The following SIRT4 variants were observed in gnomAD, a reference collection of about 807,000 sequenced individuals.
SIRT4 encodes the protein NAD-dependent protein lipoamidase sirtuin-4, mitochondrial.
A neutral mutation model predicts 26.1 loss-of-function variants in SIRT4; 23 were observed. The observed-to-expected ratio is 0.88, with a 90% confidence interval of 0.63 to 1.25. The LOEUF (loss-of-function observed/expected upper bound fraction) is 1.25, where lower values mean the gene tolerates loss of function less well. Ranked by LOEUF, SIRT4 falls within the 50% of genes most tolerant of loss-of-function variation. The probability of loss-of-function intolerance (pLI) is 0.00; values close to 1 mark genes in which losing one functional copy is unlikely to be tolerated. For synonymous variants in SIRT4, 155 were observed against 158.4 expected (o/e 0.98, Z 0.16); for missense variants, 361 against 405.4 (o/e 0.89, Z 0.94).
chr12:120,310,522 G>C (rs954299003), intron 2 of SIRT4, among the ~76,000 whole-genome samples: 3 of 151,582 alleles, frequency 2.0e-5, no homozygotes, highest in Non-Finnish European at 4.4e-5. Context: ...CTGGCCACAG[G>C]GGTTCTTTTA....
At chr12:120,292,133 C>T in the SIRT4 span, among the ~76,000 whole-genome samples, 4 of 152,206 alleles carry the variant, frequency 2.6e-5, no homozygotes, top group African/African-American at 9.6e-5. Flanking sequence ...TTATGCAAAT[C>T]AACGTGACGT....
At chr12:120,293,107 G>C in the SIRT4 span, 9 of 152,056 alleles carry the variant, frequency 5.9e-5, no homozygotes, top group Non-Finnish European at 8.8e-5. Context: ...TCTCCGTAGA[G>C]ACTGTCAAAA....
upstream of SIRT4, among the ~76,000 whole-genome samples, chr12:120,298,538 G>T (rs935324530): frequency 1.3e-5 from 2 of 152,024 alleles, no homozygotes; most frequent in African/African-American, 4.8e-5. Context: ...GCTGTAGTGC[G>T]CAGTGATCGT....
chr12:120,303,656 T>C lies in SIRT4; in HGVS notation c.95T>C (p.Phe32Ser). The C allele has an allele frequency of 6.2e-7, 1 of 1,614,128 alleles. No individual in the cohort carries two copies. Among genetic ancestry groups the C allele is most frequent in the Non-Finnish European group, 8.5e-7 (1 of 1,180,028 alleles). Residue 32 changes from phenylalanine to serine, a missense_variant, in exon 2 of 4, where the codon TTT (phenylalanine) becomes TCT (serine). By Grantham distance (155) the Phe-to-Ser change is radical. Transcript: ENST00000202967. The stretch of plus-strand genomic sequence containing the variant: ...TGCTCGAAAGCCTCCATTGGGTTAT[T>C]TGTGCCAGCAAGTCCTCCTCTGGAC... ...QPCSKASIGL[F>S]VPASPPLDPE...
intron 2 of SIRT4, among the ~76,000 whole-genome samples, chr12:120,307,648 C>CA (rs1390362584): frequency 6.6e-6 from 1 of 152,130 alleles, no homozygotes; most frequent in Non-Finnish European, 1.5e-5. Flanking sequence ...CACCTGAGGT[C>CA]AGGAGTTCAA....
chr12:120,312,911 A>T lies in SIRT4; in HGVS notation c.820A>T (p.Thr274Ser). The change falls in exon 4 of 4, where the codon ACT becomes TCT. Residue 274 changes from threonine to serine, a missense_variant. Transcript: ENST00000202967. The stretch of plus-strand genomic sequence containing the variant: ...ATACTCTGGTTACAGGTTTATCCTC[A>T]CTGCCTGGGAGAAGAAGCTCCCGAT... ...QVYSGYRFIL[T>S]AWEKKLPIAI... 1 of 1,614,154 alleles carries T rather than the reference A, an allele frequency of 6.2e-7. No individual in the cohort carries two copies. Among genetic ancestry groups the T allele is most frequent in the Non-Finnish European group, 8.5e-7 (1 of 1,180,028 alleles).
chr12:120,302,559 C>G (rs61665022), intron 1 of SIRT4, among the ~76,000 whole-genome samples, 181 bp downstream of exon 1: 8,699 of 152,074 alleles, frequency 0.057, 379 homozygotes, highest in Admixed American at 0.15. Flanking sequence ...TGTGTTTGTT[C>G]AGCTGTTCAC....
chr12:120,300,278 C>T (rs755168202), upstream of SIRT4, among the ~76,000 whole-genome samples: 2 of 149,528 alleles, frequency 1.3e-5, no homozygotes, highest in African/African-American at 2.5e-5. Flanking sequence ...GGTGACAGAA[C>T]GAGACCCTGT....
At chr12:120,307,284 G>GT (rs1276473746) in intron 2 of SIRT4, among the ~76,000 whole-genome samples, 2 of 152,154 alleles carry the variant, frequency 1.3e-5, no homozygotes, top group Non-Finnish European at 2.9e-5. Context: ...GAGCTCAGGA[G>GT]TTTGAGACCA....
chr12:120,291,806 C>T, the SIRT4 span: 2 of 152,302 alleles, frequency 1.3e-5, no homozygotes, highest in African/African-American at 2.4e-5. Flanking sequence ...GACTATATTT[C>T]AAGTCGTCAT....
chr12:120,301,255 G>T (rs1872533852), upstream of SIRT4, among the ~76,000 whole-genome samples: 1 of 152,210 alleles, frequency 6.6e-6, no homozygotes, highest in South Asian at 2.1e-4. Flanking sequence ...TGAGGCAGGA[G>T]AATTGCTTGA....
At chr12:120,292,727 G>C in the SIRT4 span, among the ~76,000 whole-genome samples, 1 of 92,822 alleles carries the variant, frequency 1.1e-5, no homozygotes, top group Non-Finnish European at 2.3e-5. Flanking sequence ...AACGGAAATC[G>C]CTAAACAGGG....
upstream of SIRT4, among the ~76,000 whole-genome samples, chr12:120,300,466 G>C (rs929516386): frequency 2.6e-4 from 39 of 152,016 alleles, no homozygotes; most frequent in African/African-American, 9.4e-4. Context: ...TTTTTGAAGA[G>C]ATGGGATCTC....
intron 1 of SIRT4, among the ~76,000 whole-genome samples, chr12:120,302,746 G>T: frequency 1.4e-5 from 2 of 146,482 alleles, no homozygotes; most frequent in Non-Finnish European, 3.0e-5. Flanking sequence ...TTGATACGGA[G>T]TCTTGCTTCT....
chr12:120,293,136 A>T, the SIRT4 span: 2 of 152,186 alleles, frequency 1.3e-5, no homozygotes, highest in African/African-American at 2.4e-5. Flanking sequence ...TGCCGACTAT[A>T]TTGCAAGTCG....
intron 2 of SIRT4, among the ~76,000 whole-genome samples, chr12:120,309,269 A>G (rs1872863042): frequency 2.0e-5 from 3 of 152,170 alleles, no homozygotes; most frequent in African/African-American, 7.2e-5. Context: ...AGAGAATTGT[A>G]TAATGAATTC....
At chr12:120,295,419 ATT>A in the SIRT4 span, among the ~76,000 whole-genome samples, 30 of 81,308 alleles carry the variant, frequency 3.7e-4, no homozygotes, top group African/African-American at 1.2e-3. Flanking sequence ...TATATAGATA[ATT>A]TTTTTTTTTT....
chr12:120,297,411 GAGAATTCT>G (rs1566459982), upstream of SIRT4, among the ~76,000 whole-genome samples: 1 of 148,468 alleles, frequency 6.7e-6, no homozygotes, highest in Non-Finnish European at 1.5e-5. Flanking sequence ...CCTAGCCCTT[GAGAATTCT>G]AGAATGGGTG....
Position 120,313,176 on chromosome 12 carries a change from G to A in SIRT4, c.*140G>A. On this transcript the variant is annotated 3_prime_UTR_variant, in exon 4 of 4. Coordinates refer to ENST00000202967, the MANE Select transcript of SIRT4 (RefSeq NM_012240.3). The stretch of plus-strand genomic sequence containing the variant: ...ACTGACAAAGTATAGAAGGTTCTAG[G>A]TATCTTAATGTGTGGATATTCTTAA... The A allele has an allele frequency of 1.2e-6, 1 of 865,966 alleles. No individual in the cohort carries two copies. Among genetic ancestry groups the A allele is most frequent in the Non-Finnish European group, 1.8e-6 (1 of 557,888 alleles). 53.6% of individuals were successfully genotyped at this position (865,966 alleles called of 1,614,324 possible).
Sources: gnomAD v4.1 joint callset for allele counts (sites outside exome capture counted in the v4.1 genomes callset) on GRCh38, gnomAD v4.1.1 for gene constraint, MANE v1.5 for transcripts, NCBI Gene and HGNC (gene_info 2026-07-23, HGNC 2026-07-21) for gene names.